The following ACRV1 variants were observed in gnomAD, a reference collection of about 807,000 sequenced individuals.
The protein encoded by ACRV1 is acrosomal vesicle protein 1, also known as acrosomal protein SP-10.
A neutral mutation model predicts 29.2 loss-of-function variants in ACRV1; 17 were observed. The ratio of observed to expected loss-of-function variants is 0.58; its 90% CI spans 0.40 to 0.87. The LOEUF (loss-of-function observed/expected upper bound fraction) is 0.87, where lower values mean the gene tolerates loss of function less well. Among genes scored for constraint, ACRV1 ranks in the 40% least tolerant of loss-of-function variants. The probability of loss-of-function intolerance (pLI) is 0.00; values close to 1 mark genes in which losing one functional copy is unlikely to be tolerated. For synonymous variants in ACRV1, 98 were observed against 111.6 expected (o/e 0.88, Z 0.77); for missense variants, 294 against 316.0 (o/e 0.93, Z 0.53).
chr11:125,678,968 T>C (rs1189704623), intron 1 of ACRV1, among the ~76,000 whole-genome samples: 1 of 41,658 alleles, frequency 2.4e-5, no homozygotes, highest in Admixed American at 3.1e-4. Context: ...AAAAAAAAAG[T>C]CTAGGCATAT....
Position 125,680,808 on chromosome 11 carries a change from G to C in ACRV1, c.-28C>G. ...GGATTTAGGAAAAGAGGGGACCCCA[G>C]TGTGGGCCACAGCTTCTTCACAGAG... On this transcript the variant is annotated 5_prime_UTR_variant, in exon 1 of 4. Coordinates refer to ENST00000533904, the MANE Select transcript of ACRV1 (RefSeq NM_001612.6). 1.3e-6 allele frequency: 2 copies of C among 1,597,432 alleles called. No individual in the cohort carries two copies. Among genetic ancestry groups the C allele is most frequent in the Non-Finnish European group, 1.7e-6 (2 of 1,165,484 alleles).
rs146568193 is a variant in ACRV1, at chr11:125,678,045, T to A, written c.305A>T (p.Glu102Val). ...TACAGTATGCTCACCTTCAGCATGTTCAGTCGCAGCGGGCTCACCTGAAGC... is the reference window on the plus strand; with the variant it reads ...TACAGTATGCTCACCTTCAGCATGTACAGTCGCAGCGGGCTCACCTGAAGC... ...EHASGEPAAT[E>V]HAEGEHTVGE... The change falls in exon 2 of 4, where the codon GAA (glutamate) becomes GTA (valine). Residue 102 changes from glutamate to valine, a missense_variant. Physicochemically the swap from Glu to Val is moderately radical, Grantham distance 121. Transcript: ENST00000533904. 6.2e-7 allele frequency: 1 copy of A among 1,614,168 alleles called. No individual in the cohort carries two copies. The highest frequency in any genetic ancestry group is 2.2e-5 in the East Asian group (1 of 44,878).
At chr11:125,679,801 C>T (rs974139168) in intron 1 of ACRV1, among the ~76,000 whole-genome samples, 1 of 152,150 alleles carries the variant, frequency 6.6e-6, no homozygotes, top group Non-Finnish European at 1.5e-5. Context: ...CAATCAGTGA[C>T]TTTCTAAATG....
At chr11:125,677,710 A>C (rs1942577792) in intron 2 of ACRV1, 87 bp downstream of exon 2, 5 of 1,537,122 alleles carry the variant, frequency 3.3e-6, no homozygotes, top group African/African-American at 1.4e-5. Context: ...TTTCTTCTGC[A>C]CTCCTTCCCT....
In ACRV1 at chr11:125,672,310, A is replaced by G. The variant is rs752468420; in HGVS notation, c.*283T>C. The G allele has an allele frequency of 1.8e-5, 5 of 284,244 alleles. No individual in the cohort carries two copies. The highest frequency in any genetic ancestry group is 8.8e-5 in the African/African-American group (4 of 45,700). 17.6% of individuals were successfully genotyped at this position (284,244 alleles called of 1,614,324 possible). ...CCCTGCAACTAGATTAATGGGGGAA[A>G]AAAAGGTCTGTCTTGAGCCTGTGTG... On this transcript the variant is annotated 3_prime_UTR_variant, in exon 4 of 4. Coordinates refer to ENST00000533904, the MANE Select transcript of ACRV1 (RefSeq NM_001612.6).
At position 125,679,216 on chromosome 11, in the gene ACRV1, C is replaced by CTTTTTTTTTTTTT. The variant is rs71045115; in HGVS notation, c.53-932_53-920dup. On this transcript the variant is annotated intron_variant, in intron 1 of 3. Transcript: ENST00000533904. ...TCTTCTACCTTTAATCCGTCTCTTTCTTTTTTTTTTTTTGTTTCAAAGATA... is the reference window on the plus strand; with the variant it reads ...TCTTCTACCTTTAATCCGTCTCTTTCTTTTTTTTTTTTTTTTTTTTTTTTTTGTTTCAAAGATA... Among the ~76,000 whole-genome samples, 70 of 121,040 alleles carry CTTTTTTTTTTTTT rather than the reference C, an allele frequency of 5.8e-4. 1 individual carries two copies. Among genetic ancestry groups the CTTTTTTTTTTTTT allele is most frequent in the South Asian group, 8.4e-4 (3 of 3,586 alleles). The allele number at this position is 121,040 out of a possible 152,430, so 79.4% of individuals were successfully genotyped here.
chr11:125,680,597 T>C (rs1265612260), intron 1 of ACRV1, 132 bp downstream of exon 1: 2 of 773,958 alleles, frequency 2.6e-6, no homozygotes, highest in East Asian at 5.2e-5. Flanking sequence ...CGAGTTGGAC[T>C]TGTTTAGCTG....
chr11:125,679,199 C>T (rs1428236457), intron 1 of ACRV1, among the ~76,000 whole-genome samples: 1 of 137,722 alleles, frequency 7.3e-6, no homozygotes, highest in Non-Finnish European at 1.5e-5. Context: ...TCTCTTCTAC[C>T]TTTAATCCGT....
rs761419378 is a variant in ACRV1 at position 125,676,452 on chromosome 11, C to T, written c.580G>A (p.Ala194Thr). The change falls in exon 3 of 4, where the codon GCT becomes ACT. Residue 194 changes from alanine to threonine, a missense_variant. Transcript: ENST00000533904. ...TGTILNCYTCAYMNDQGKCLR... is the reference protein window; with the variant it reads ...TGTILNCYTCTYMNDQGKCLR... Reference sequence around the variant, plus strand: ...CATTTTCCTTGATCATTCATATAAGCACATGTGTAGCAATTTAATATTGTG... The same window carrying T: ...CATTTTCCTTGATCATTCATATAAGTACATGTGTAGCAATTTAATATTGTG... 3 of 1,614,108 alleles carry T rather than the reference C, an allele frequency of 1.9e-6. No individual in the cohort carries two copies. Among genetic ancestry groups the T allele is most frequent in the Non-Finnish European group, 1.7e-6 (2 of 1,179,994 alleles).
In ACRV1 at chr11:125,676,351, C is replaced by T. The variant is rs1591437509; in HGVS notation, c.673+8G>A. On this transcript the variant is annotated splice_region_variant and intron_variant, in intron 3 of 3. Coordinates refer to ENST00000533904, the MANE Select transcript of ACRV1 (RefSeq NM_001612.6). Reference sequence around the variant, plus strand: ...AGGCAGAAATTGCCTCATGAAGTCCCCATATACCTTCAAAGATCTTCTTTA... The same window carrying T: ...AGGCAGAAATTGCCTCATGAAGTCCTCATATACCTTCAAAGATCTTCTTTA... 1.2e-6 allele frequency: 2 copies of T among 1,614,042 alleles called. No individual in the cohort carries two copies. Among genetic ancestry groups the T allele is most frequent in the Non-Finnish European group, 1.7e-6 (2 of 1,179,978 alleles).
Position 125,672,451 on chromosome 11 carries a change from A to G in ACRV1, c.*142T>C. 1 of 898,184 alleles carries G rather than the reference A, an allele frequency of 1.1e-6. No individual in the cohort carries two copies. The highest frequency in any genetic ancestry group is 1.7e-6 in the Non-Finnish European group (1 of 587,808). The allele number at this position is 898,184 out of a possible 1,614,324, so 55.6% of individuals were successfully genotyped here. A position where few individuals can be genotyped will look rare whatever the true frequency, so the allele number is the denominator to read the frequency against. On this transcript the variant is annotated 3_prime_UTR_variant, in exon 4 of 4. Transcript: ENST00000533904. ...AAAGCATGAATAGAAGAAGAAAGAT[A>G]GGATGTTTGAGCATCCTAATGCTCA...
chr11:125,674,737 T>TA (rs1234401435), intron 3 of ACRV1, among the ~76,000 whole-genome samples: 1 of 152,208 alleles, frequency 6.6e-6, no homozygotes, highest in Non-Finnish European at 1.5e-5. Context: ...GGCAAGCTCC[T>TA]ACTTTGTGAG....
chr11:125,673,212 C>CT (rs11434532), intron 3 of ACRV1, among the ~76,000 whole-genome samples: 69,621 of 126,628 alleles, frequency 0.55, 17,046 homozygotes, highest in South Asian at 0.64. Context: ...CTTTTCTTTT[C>CT]TTTTTTTTTT....
At chr11:125,672,958 AC>A (rs932267134) in intron 3 of ACRV1, among the ~76,000 whole-genome samples, 10 of 151,896 alleles carry the variant, frequency 6.6e-5, no homozygotes, top group Non-Finnish European at 1.0e-4. Flanking sequence ...TGCTCAGGTT[AC>A]CCCAAATTTA....
chr11:125,674,110 C>T (rs537913917), intron 3 of ACRV1, among the ~76,000 whole-genome samples: 139 of 152,176 alleles, frequency 9.1e-4, no homozygotes, highest in African/African-American at 2.7e-3. Context: ...CGCCACTGCA[C>T]TCAGCCTGGG....
rs777414149 is a variant in ACRV1, at chr11:125,676,575, G to A, written c.554-97C>T. On this transcript the variant is annotated intron_variant, in intron 2 of 3. Transcript: ENST00000533904. ...GGGGTAATGGGCAATAGGTAGCATG[G>A]ATACTACACATTTATTTCTTAGTTC... is the stretch of plus-strand genomic sequence containing the variant. 216 of 1,417,008 alleles carry A rather than the reference G, an allele frequency of 1.5e-4. 1 individual carries two copies. Among genetic ancestry groups the A allele is most frequent in the Non-Finnish European group, 2.0e-4 (204 of 1,019,662 alleles). 87.8% of individuals were successfully genotyped at this position (1,417,008 alleles called of 1,614,324 possible). A position where few individuals can be genotyped will look rare whatever the true frequency, so the allele number is the denominator to read the frequency against.
rs370290431 is a variant in ACRV1 at position 125,673,424 on chromosome 11, A to G, written c.674-707T>C. Among the ~76,000 whole-genome samples, 29 of 151,828 alleles carry G rather than the reference A, an allele frequency of 1.9e-4. No homozygotes were observed. The East Asian group carries it at 5.3e-3, about 28-fold the overall frequency. Reference sequence around the variant, plus strand: ...CACCATGTTGGTCAGGCTGGTCTCGATCTCCTGACCTTGTGATCCGCCCAC... The same window carrying G: ...CACCATGTTGGTCAGGCTGGTCTCGGTCTCCTGACCTTGTGATCCGCCCAC... On this transcript the variant is annotated intron_variant, in intron 3 of 3. Transcript: ENST00000533904.
Position 125,672,327 on chromosome 11 carries a change from G to T in ACRV1, c.*266C>A. Reference sequence around the variant, plus strand: ...TGGGGGAAAAAAAGGTCTGTCTTGAGCCTGTGTGCTTTAACCATGTGAAAT... The same window carrying T: ...TGGGGGAAAAAAAGGTCTGTCTTGATCCTGTGTGCTTTAACCATGTGAAAT... On this transcript the variant is annotated 3_prime_UTR_variant, in exon 4 of 4. Coordinates refer to ENST00000533904, the MANE Select transcript of ACRV1 (RefSeq NM_001612.6). 1 of 380,348 alleles carries T rather than the reference G, an allele frequency of 2.6e-6. No homozygotes were observed. The highest frequency in any genetic ancestry group is 4.7e-6 in the Non-Finnish European group (1 of 211,280). The allele number at this position is 380,348 out of a possible 1,614,324, so 23.6% of individuals were successfully genotyped here.
rs1331576080 is a variant in ACRV1, at chr11:125,677,836, C to T, written c.514G>A (p.Glu172Lys). The change falls in exon 2 of 4, where the codon GAA (glutamate) becomes AAA (lysine). Residue 172 changes from glutamate to lysine, a missense_variant. Coordinates refer to ENST00000533904, the MANE Select transcript of ACRV1 (RefSeq NM_001612.6). ...GAAATTGGTGCACCTGAAGCCTGTTCCCCTGAAGCGTGCTCACCTGAAGGC... is the reference window on the plus strand; with the variant it reads ...GAAATTGGTGCACCTGAAGCCTGTTTCCCTGAAGCGTGCTCACCTGAAGGC... ...EQPSGEHASG[E>K]QASGAPISST... 1.9e-6 allele frequency: 3 copies of T among 1,614,162 alleles called. No individual in the cohort carries two copies. The highest frequency in any genetic ancestry group is 4.5e-5 in the East Asian group (2 of 44,872).
Sources: gnomAD v4.1 joint callset for allele counts (sites outside exome capture counted in the v4.1 genomes callset) on GRCh38, gnomAD v4.1.1 for gene constraint, MANE v1.5 for transcripts, NCBI Gene and HGNC (gene_info 2026-07-23, HGNC 2026-07-21) for gene names.